AAMDC: variants seen among roughly 807,000 people sequenced by gnomAD.
The protein encoded by AAMDC is adipogenesis associated Mth938 domain containing, also known as mth938 domain-containing protein.
AAMDC carries 16 observed loss-of-function variants against 15.5 expected under a neutral mutation model. The observed-to-expected ratio is 1.03, with a 90% confidence interval of 0.70 to 1.57. AAMDC has a LOEUF of 1.57. AAMDC is among the 40% of genes most tolerant of loss of function. AAMDC has a pLI of 0.00. For synonymous variants in AAMDC, 51 were observed against 51.6 expected (o/e 0.99, Z 0.05); for missense variants, 141 against 144.9 (o/e 0.97, Z 0.14).
chr11:77,874,069 TTTA>T (rs1207449089), downstream of AAMDC, among the ~76,000 whole-genome samples: 3 of 152,102 alleles, frequency 2.0e-5, no homozygotes, highest in African/African-American at 7.2e-5. Context: ...AGTGAAGGGA[TTTA>T]TTTTTTTCCA....
chr11:77,870,811 T>C (rs543180815), intron 3 of AAMDC, among the ~76,000 whole-genome samples: 7 of 152,314 alleles, frequency 4.6e-5, no homozygotes, highest in African/African-American at 1.2e-4. Context: ...CTTACACATA[T>C]AGATATACGT....
intron 1 of AAMDC, among the ~76,000 whole-genome samples, chr11:77,826,147 G>A (rs934168968): frequency 3.3e-5 from 5 of 152,076 alleles, no homozygotes; most frequent in African/African-American, 4.8e-5. Context: ...CTGAGAGGCC[G>A]AGGTGGGAGT....
At chr11:77,859,357 A>C (rs1950777887) in intron 2 of AAMDC, among the ~76,000 whole-genome samples, 1 of 152,122 alleles carries the variant, frequency 6.6e-6, no homozygotes, top group Non-Finnish European at 1.5e-5. Flanking sequence ...CAGCAGTGTA[A>C]GACTGCTACC....
At chr11:77,860,815 T>C (rs1393647740) in intron 2 of AAMDC, among the ~76,000 whole-genome samples, 1 of 152,134 alleles carries the variant, frequency 6.6e-6, no homozygotes, top group Non-Finnish European at 1.5e-5. Flanking sequence ...CTCTACTTCC[T>C]CTGGTATTTG....
At chr11:77,854,999 C>T (rs910839999) in intron 2 of AAMDC, among the ~76,000 whole-genome samples, 1 of 152,210 alleles carries the variant, frequency 6.6e-6, no homozygotes, top group African/African-American at 2.4e-5. Context: ...ATGGAAGCCA[C>T]CAAGGCCTAT....
intron 2 of AAMDC, among the ~76,000 whole-genome samples, chr11:77,847,881 G>A (rs184462219): frequency 9.5e-4 from 145 of 152,196 alleles, no homozygotes; most frequent in African/African-American, 3.4e-3. Flanking sequence ...TAAAAACCCC[G>A]GGAGCTGAAG....
At chr11:77,870,651 C>G (rs867275183) in intron 3 of AAMDC, among the ~76,000 whole-genome samples, 2 of 151,820 alleles carry the variant, frequency 1.3e-5, no homozygotes, top group South Asian at 2.1e-4. Flanking sequence ...TTTTAATTTT[C>G]TTACAGAAAT....
downstream of AAMDC, among the ~76,000 whole-genome samples, chr11:77,903,235 G>C (rs1444279640): frequency 6.6e-6 from 1 of 152,248 alleles, no homozygotes; most frequent in African/African-American, 2.4e-5. Context: ...ACTAACTTCT[G>C]TCATAGCCTG....
intron 2 of AAMDC, among the ~76,000 whole-genome samples, chr11:77,858,849 C>T (rs965958998): frequency 2.6e-5 from 4 of 152,126 alleles, no homozygotes; most frequent in African/African-American, 9.7e-5. Context: ...ATTTGAAGAA[C>T]GATTTGTAGT....
intron 2 of AAMDC, among the ~76,000 whole-genome samples, chr11:77,852,373 C>T (rs1950432588): frequency 6.6e-6 from 1 of 151,940 alleles, no homozygotes; most frequent in South Asian, 2.1e-4. Flanking sequence ...TAGATGCCTC[C>T]CATTTCCTGT....
chr11:77,858,603 T>C (rs1481160307), intron 2 of AAMDC, among the ~76,000 whole-genome samples: 1 of 152,094 alleles, frequency 6.6e-6, no homozygotes, highest in Non-Finnish European at 1.5e-5. Context: ...GCCTAGGAAA[T>C]CCAGCTAGTC....
chr11:77,832,951 ATGTGTGTGTGTG>A (rs146936151), intron 1 of AAMDC, among the ~76,000 whole-genome samples: 9,652 of 68,092 alleles, frequency 0.14, 1,344 homozygotes, highest in East Asian at 0.38. Context: ...GTATATATAT[ATGTGTGTGTGTG>A]TGTGTGTGTG....
intron 3 of AAMDC, chr11:77,870,198 TA>T (rs200526987): frequency 5.2e-4 from 78 of 150,050 alleles, no homozygotes; most frequent in Middle Eastern, 3.5e-3. Flanking sequence ...TTTTTTTTTT[TA>T]AATATAGATG....
downstream of AAMDC, among the ~76,000 whole-genome samples, chr11:77,877,316 A>G (rs1190812890): frequency 6.6e-6 from 1 of 152,222 alleles, no homozygotes; most frequent in Non-Finnish European, 1.5e-5. Flanking sequence ...CCTTAAACCA[A>G]AAGTTAAAAC....
At chr11:77,865,364 G>A (rs1951064635) in intron 2 of AAMDC, among the ~76,000 whole-genome samples, 1 of 152,186 alleles carries the variant, frequency 6.6e-6, no homozygotes, top group Non-Finnish European at 1.5e-5. Context: ...TCATTTAGGG[G>A]CCTAGGTTTT....
intron 5 of AAMDC, chr11:77,878,658 G>A (rs549091682): frequency 1.9e-5 from 12 of 648,060 alleles, no homozygotes; most frequent in Admixed American, 2.7e-5. Context: ...ATGTAAGCAC[G>A]TAGTATAAAA....
intron 2 of AAMDC, among the ~76,000 whole-genome samples, chr11:77,858,679 G>A (rs560198569): frequency 3.4e-4 from 52 of 152,186 alleles, no homozygotes; most frequent in African/African-American, 1.1e-3. Flanking sequence ...GCCGATGACC[G>A]CTCTAACTGC....
At chr11:77,881,104 G>C (rs1951776079) in intron 5 of AAMDC, among the ~76,000 whole-genome samples, 2 of 152,164 alleles carry the variant, frequency 1.3e-5, no homozygotes, top group African/African-American at 4.8e-5. Context: ...AAAACAAGAA[G>C]GAGGGGAACT....
chr11:77,868,834 T>C, intron 2 of AAMDC: 1 of 202,430 alleles, frequency 4.9e-6, no homozygotes, highest in Non-Finnish European at 1.1e-5. Context: ...GGTACCTTTC[T>C]CTCTGGCTTC....
Sources: gnomAD v4.1 joint callset for allele counts (sites outside exome capture counted in the v4.1 genomes callset) on GRCh38, gnomAD v4.1.1 for gene constraint, MANE v1.5 for transcripts, NCBI Gene and HGNC (gene_info 2026-07-23, HGNC 2026-07-21) for gene names.